The following PAPPA2 variants were observed in gnomAD, a reference collection of about 807,000 sequenced individuals.
The protein encoded by PAPPA2 is pappalysin 2, also known as pappalysin-2.
PAPPA2 carries 86 observed loss-of-function variants against 176.4 expected under a neutral mutation model. The ratio of observed to expected loss-of-function variants is 0.49; its 90% CI spans 0.41 to 0.58. The LOEUF (loss-of-function observed/expected upper bound fraction) is 0.58. Among genes scored for constraint, PAPPA2 ranks in the 20% least tolerant of loss-of-function variants. The pLI, the probability that PAPPA2 is intolerant of heterozygous loss-of-function variation, is 0.00. For synonymous variants in PAPPA2, 809 were observed against 852.2 expected, an observed-to-expected ratio of 0.95 and a Z score of 0.88; for missense variants, 2,073 against 2,256.9, an observed-to-expected ratio of 0.92 and a Z score of 1.65.
intron 3 of PAPPA2, among the ~76,000 whole-genome samples, chr1:176,598,243 G>T (rs2102655641): frequency 6.6e-6 from 1 of 151,844 alleles, no homozygotes; most frequent in Admixed American, 6.6e-5. Flanking sequence ...CTCTGCACAG[G>T]TTACTATATT....
chr1:176,723,771 T>C (rs1661733000), intron 12 of PAPPA2, among the ~76,000 whole-genome samples: 1 of 152,158 alleles, frequency 6.6e-6, no homozygotes, highest in Non-Finnish European at 1.5e-5. Flanking sequence ...CTTGAGCCAA[T>C]AGAGCAAAAG....
chr1:176,792,964 C>T (rs1005627094), intron 19 of PAPPA2, among the ~76,000 whole-genome samples: 11 of 152,118 alleles, frequency 7.2e-5, no homozygotes, highest in African/African-American at 2.4e-4. Context: ...TCACTGCTTC[C>T]TCCTTTAATC....
chr1:176,739,724 C>G lies in PAPPA2; in HGVS notation c.3897C>G (p.Leu1299=). The change falls in exon 13 of 23, where the codon CTC becomes CTG. Residue 1299 remains leucine (L), a synonymous_variant. Transcript: ENST00000367662. ...AGCATCAGCAGCCGACAGTGACTCTCTACCTGACCGATGTCCGTGGAAGCA... is the reference window on the plus strand; with the variant it reads ...AGCATCAGCAGCCGACAGTGACTCTGTACCTGACCGATGTCCGTGGAAGCA... ...PGEHQQPTVT[L]YLTDVRGSNH... The G allele has an allele frequency of 6.2e-7, 1 of 1,613,728 alleles. No homozygotes were observed. The highest frequency in any genetic ancestry group is 8.5e-7 in the Non-Finnish European group (1 of 1,179,830).
intron 21 of PAPPA2, 76 bp downstream of exon 21, chr1:176,800,208 A>G (rs532925171): frequency 1.4e-6 from 2 of 1,427,486 alleles, no homozygotes; most frequent in South Asian, 1.2e-5. Context: ...GAATCCTTCT[A>G]ATTTAGGACC....
At chr1:176,745,088 T>A (rs1662846639) in intron 14 of PAPPA2, among the ~76,000 whole-genome samples, 3 of 152,190 alleles carry the variant, frequency 2.0e-5, no homozygotes, top group Admixed American at 1.3e-4. Flanking sequence ...GTCAATTTGT[T>A]TGTTGCCTCT....
chr1:176,687,136 G>A (rs753409436), intron 4 of PAPPA2, among the ~76,000 whole-genome samples: 17 of 152,168 alleles, frequency 1.1e-4, no homozygotes, highest in Non-Finnish European at 2.5e-4. Flanking sequence ...CCATTGCAGT[G>A]CCTTCTCATA....
chr1:176,605,831 G>C (rs1300412489), intron 3 of PAPPA2, among the ~76,000 whole-genome samples: 1 of 152,166 alleles, frequency 6.6e-6, no homozygotes, highest in Admixed American at 6.5e-5. Context: ...CCTACTCGGA[G>C]TAGAATGAGC....
intron 4 of PAPPA2, among the ~76,000 whole-genome samples, chr1:176,674,884 A>G (rs928487554): frequency 1.3e-5 from 2 of 152,024 alleles, no homozygotes; most frequent in African/African-American, 4.8e-5. Flanking sequence ...GCTAGTTTAC[A>G]TTCACACCAG....
At chr1:176,821,259 C>T (rs1666653750) in intron 21 of PAPPA2, among the ~76,000 whole-genome samples, 1 of 151,990 alleles carries the variant, frequency 6.6e-6, no homozygotes, top group African/African-American at 2.4e-5. Flanking sequence ...TGAGTATAAG[C>T]CGATAATACA....
At chr1:176,640,370 G>A (rs906483325) in intron 3 of PAPPA2, among the ~76,000 whole-genome samples, 2 of 122,140 alleles carry the variant, frequency 1.6e-5, no homozygotes, top group Admixed American at 2.2e-4. Flanking sequence ...AGTCCCCAGA[G>A]TGTGATGTTC....
chr1:176,767,674 C>T (rs561025343), intron 15 of PAPPA2, among the ~76,000 whole-genome samples: 2 of 152,268 alleles, frequency 1.3e-5, no homozygotes, highest in South Asian at 4.2e-4. Flanking sequence ...GTGATAGTGG[C>T]TCATTGTAGT....
chr1:176,479,104 T>G (rs1269132117), intron 1 of PAPPA2, among the ~76,000 whole-genome samples: 1 of 152,202 alleles, frequency 6.6e-6, no homozygotes, highest in Admixed American at 6.5e-5. Context: ...GTTAACTCAT[T>G]TAATGATCAC....
intron 12 of PAPPA2, among the ~76,000 whole-genome samples, chr1:176,720,959 G>A (rs1661587934): frequency 6.6e-6 from 1 of 152,160 alleles, no homozygotes; most frequent in Non-Finnish European, 1.5e-5. Flanking sequence ...AGAAAGAAAA[G>A]TCTCCCCTTC....
chr1:176,565,729 G>A (rs1651934261), intron 2 of PAPPA2, among the ~76,000 whole-genome samples: 1 of 152,154 alleles, frequency 6.6e-6, no homozygotes, highest in African/African-American at 2.4e-5. Flanking sequence ...GACATCACTG[G>A]TGAGTATGGT....
At chr1:176,669,221 T>C (rs1323070053) in intron 3 of PAPPA2, among the ~76,000 whole-genome samples, 1 of 152,174 alleles carries the variant, frequency 6.6e-6, no homozygotes, top group Non-Finnish European at 1.5e-5. Context: ...GTGGCTTTTC[T>C]TCCTTGGTAC....
At chr1:176,592,230 A>G (rs971924427) in intron 2 of PAPPA2, among the ~76,000 whole-genome samples, 82 of 152,318 alleles carry the variant, frequency 5.4e-4, no homozygotes, top group African/African-American at 1.9e-3. Flanking sequence ...AAATGTAGTT[A>G]TCTAAGCACC....
intron 1 of PAPPA2, among the ~76,000 whole-genome samples, chr1:176,531,930 T>C (rs946007429): frequency 2.0e-5 from 3 of 152,202 alleles, no homozygotes; most frequent in Admixed American, 1.3e-4. Context: ...CATCCATTTC[T>C]TGGGAACTGG....
chr1:176,564,436 C>T (rs902319230), intron 2 of PAPPA2, among the ~76,000 whole-genome samples: 2 of 152,202 alleles, frequency 1.3e-5, no homozygotes, highest in Non-Finnish European at 2.9e-5. Flanking sequence ...ATTTCTATGC[C>T]TGTGTTCCAA....
At chr1:176,643,797 CTT>C (rs1384502167) in intron 3 of PAPPA2, among the ~76,000 whole-genome samples, 2 of 151,934 alleles carry the variant, frequency 1.3e-5, no homozygotes, top group South Asian at 4.2e-4. Context: ...CTTCAAAACA[CTT>C]GTGTTGGGCG....
Sources: gnomAD v4.1 joint callset for allele counts (sites outside exome capture counted in the v4.1 genomes callset) on GRCh38, gnomAD v4.1.1 for gene constraint, MANE v1.5 for transcripts, NCBI Gene and HGNC (gene_info 2026-07-23, HGNC 2026-07-21) for gene names.